KDM4A: variants seen among roughly 807,000 people sequenced by gnomAD.
KDM4A encodes the protein lysine-specific demethylase 4A.
A neutral mutation model predicts 127.1 loss-of-function variants in KDM4A; 23 were observed. That is an observed-to-expected ratio of 0.18 (90% CI 0.13 to 0.26). The LOEUF is 0.26. Among genes scored for constraint, KDM4A ranks in the 10% least tolerant of loss-of-function variants. The pLI is 1.00. For missense variants in KDM4A, 890 were observed against 1,329.1 expected (o/e 0.67, Z 5.14); for synonymous variants, 443 against 466.5 (o/e 0.95, Z 0.65).
At chr1:43,703,480 C>A in intron 19 of KDM4A, 137 bp from the exon 20 acceptor site, 4 of 1,058,696 alleles carry the variant, frequency 3.8e-6, no homozygotes, top group East Asian at 2.7e-5. Flanking sequence ...TAACTGTTAA[C>A]ATTTTTCAGC....
chr1:43,657,243 G>C (rs752431520), intron 3 of KDM4A, among the ~76,000 whole-genome samples: 1 of 150,454 alleles, frequency 6.6e-6, no homozygotes, highest in African/African-American at 2.4e-5. Context: ...TCGCTCTGTC[G>C]CCAGGCTAGA....
intron 19 of KDM4A, 25 bp downstream of exon 19, chr1:43,698,038 G>A (rs766496855): frequency 1.9e-6 from 3 of 1,606,210 alleles, no homozygotes; most frequent in Middle Eastern, 1.7e-4. Context: ...GAGCTTCTCA[G>A]GCAGTTTGGA....
chr1:43,683,394 CT>C (rs1264091768), intron 11 of KDM4A, among the ~76,000 whole-genome samples: 1 of 152,182 alleles, frequency 6.6e-6, no homozygotes, highest in Non-Finnish European at 1.5e-5. Context: ...GGGCAAGCCT[CT>C]CTCAGAGCTG....
At chr1:43,658,538 C>G (rs1660300276) in intron 3 of KDM4A, among the ~76,000 whole-genome samples, 3 of 137,096 alleles carry the variant, frequency 2.2e-5, no homozygotes, top group Non-Finnish European at 4.6e-5. Context: ...GAGTCTTACT[C>G]TGTGGCGCGG....
Position 43,660,029 on chromosome 1 carries a change from C to A in KDM4A, c.315-269C>A, listed in dbSNP as rs116073680. Among the ~76,000 whole-genome samples the A allele has an allele frequency of 3.1e-3, 475 of 152,312 alleles. 2 individuals are homozygous for A. The highest frequency in any genetic ancestry group is 0.011 in the African/African-American group (438 of 41,560). On this transcript the variant is annotated intron_variant, in intron 3 of 21. Coordinates refer to ENST00000372396, the MANE Select transcript of KDM4A (RefSeq NM_014663.3). ...TAGCAAGGTGTAGTTTAAGTAGAGT[C>A]TCTTCAGAGAGTTGAGGATGTTGTG...
chr1:43,674,836 C>T (rs1660705739), intron 11 of KDM4A, among the ~76,000 whole-genome samples: 1 of 152,108 alleles, frequency 6.6e-6, no homozygotes, highest in African/African-American at 2.4e-5. Context: ...TGTCTCCAGG[C>T]CCCTCTAGAG....
chr1:43,652,547 C>G (rs1660137581), intron 1 of KDM4A, among the ~76,000 whole-genome samples: 1 of 152,002 alleles, frequency 6.6e-6, no homozygotes, highest in South Asian at 2.1e-4. Flanking sequence ...CAGGGTCTCA[C>G]TATGTTGCCC....
At chr1:43,653,837 C>G (rs1311113312) in intron 2 of KDM4A, 2 of 152,244 alleles carry the variant, frequency 1.3e-5, no homozygotes, top group African/African-American at 4.8e-5. Flanking sequence ...GTCAAATCAG[C>G]TTTTCATATA....
chr1:43,670,304 C>A (rs1245029478), intron 10 of KDM4A, among the ~76,000 whole-genome samples: 2 of 152,146 alleles, frequency 1.3e-5, no homozygotes, highest in African/African-American at 4.8e-5. Flanking sequence ...CTGGGCTGGG[C>A]TGGCTTCTCT....
chr1:43,657,599 G>A (rs1660273970), intron 3 of KDM4A, among the ~76,000 whole-genome samples: 1 of 152,162 alleles, frequency 6.6e-6, no homozygotes, highest in Non-Finnish European at 1.5e-5. Context: ...CTCTGCAGGT[G>A]AAAGGCTGTA....
intron 9 of KDM4A, among the ~76,000 whole-genome samples, chr1:43,668,334 C>A (rs1660545965): frequency 6.6e-6 from 1 of 152,066 alleles, no homozygotes; most frequent in Admixed American, 6.5e-5. Flanking sequence ...ACTGTGTTAG[C>A]CAGGACGGTC....
chr1:43,700,219 C>A (rs1054682162), intron 19 of KDM4A, among the ~76,000 whole-genome samples: 1 of 152,060 alleles, frequency 6.6e-6, no homozygotes, highest in South Asian at 2.1e-4. Context: ...CCTCCACATA[C>A]CAGGCTCAAG....
intron 15 of KDM4A, among the ~76,000 whole-genome samples, chr1:43,692,041 T>C (rs2154048643): frequency 1.3e-5 from 2 of 152,370 alleles, no homozygotes; most frequent in African/African-American, 4.8e-5. Flanking sequence ...AAGAGGATTA[T>C]GTGAAGTCAC....
At chr1:43,699,096 T>TA (rs201803396) in intron 19 of KDM4A, among the ~76,000 whole-genome samples, 26 of 150,198 alleles carry the variant, frequency 1.7e-4, no homozygotes, top group African/African-American at 6.1e-4. Context: ...GCCTTATTTT[T>TA]TTTTTTTTTT....
At chr1:43,659,815 G>C (rs1248258182) in intron 3 of KDM4A, among the ~76,000 whole-genome samples, 2 of 152,280 alleles carry the variant, frequency 1.3e-5, no homozygotes, top group East Asian at 3.9e-4. Context: ...AGGGCGCTTG[G>C]GCATATAGCA....
intron 1 of KDM4A, among the ~76,000 whole-genome samples, chr1:43,651,039 A>G (rs1473348711): frequency 1.3e-5 from 2 of 152,082 alleles, no homozygotes; most frequent in Non-Finnish European, 2.9e-5. Flanking sequence ...CCGATTGCCT[A>G]CTCTGTGCCA....
In KDM4A at chr1:43,704,037, C is replaced by G. The variant is rs1282098357; in HGVS notation, c.2979C>G (p.Gly993=). The change falls in exon 21 of 22, where the codon GGC becomes GGG. Residue 993 remains glycine, a synonymous_variant. Transcript: ENST00000372396. ...IQMYQVEFED[G]SQLVVKRDDV... is the part of the protein sequence containing the mutation. The stretch of plus-strand genomic sequence containing the variant: ...CTTGGTAGGTGGAGTTTGAGGATGG[C>G]TCACAACTTGTGGTTAAGAGAGATG... The G allele has an allele frequency of 5.6e-6, 9 of 1,614,096 alleles. No homozygotes were observed. The Admixed American group carries it at 8.3e-5, about 15-fold the overall frequency.
intron 2 of KDM4A, among the ~76,000 whole-genome samples, chr1:43,655,292 G>A (rs892072558): frequency 6.6e-6 from 1 of 152,102 alleles, no homozygotes; most frequent in African/African-American, 2.4e-5. Context: ...AGAGCCCTGG[G>A]CTAGGAGATT....
At chr1:43,698,785 C>T (rs1183935256) in intron 19 of KDM4A, among the ~76,000 whole-genome samples, 1 of 152,110 alleles carries the variant, frequency 6.6e-6, no homozygotes. Flanking sequence ...GCATAGCTAT[C>T]ATTTATTTAT....
Sources: allele counts gnomAD v4.1 joint callset (sites outside exome capture counted in the v4.1 genomes callset), GRCh38; gene constraint gnomAD v4.1.1; transcripts MANE v1.5; gene names NCBI Gene and HGNC (gene_info 2026-07-23, HGNC 2026-07-21).